Variants in PIP4P2 observed in about 807,000 individuals in gnomAD.
The protein encoded by PIP4P2 is type 2 phosphatidylinositol 4,5-bisphosphate 4-phosphatase.
Under a neutral mutation model 33.3 loss-of-function variants are expected in PIP4P2, and 19 were observed. The ratio of observed to expected loss-of-function variants is 0.57; its 90% CI spans 0.40 to 0.84. The LOEUF is 0.84. Among genes scored for constraint, PIP4P2 ranks in the 40% least tolerant of loss-of-function variants. The probability of loss-of-function intolerance (pLI) is 0.00; values close to 1 mark genes in which losing one functional copy is unlikely to be tolerated. For missense variants in PIP4P2, 270 were observed against 324.7 expected (o/e 0.83, Z 1.29); for synonymous variants, 110 against 111.9 (o/e 0.98, Z 0.11).
intron 1 of PIP4P2, among the ~76,000 whole-genome samples, chr8:91,036,553 C>G (rs1251664895): frequency 6.6e-6 from 1 of 152,146 alleles, no homozygotes; most frequent in Non-Finnish European, 1.5e-5. Context: ...CTTCATCTCT[C>G]CATCTCTACC....
At chr8:91,014,109 A>G (rs1811878634) in intron 4 of PIP4P2, among the ~76,000 whole-genome samples, 1 of 152,176 alleles carries the variant, frequency 6.6e-6, no homozygotes, top group Admixed American at 6.5e-5. Context: ...TATGACTTCA[A>G]ATTTTTGGAC....
intron 5 of PIP4P2, among the ~76,000 whole-genome samples, chr8:91,006,087 CT>C (rs753932345): frequency 3.3e-5 from 5 of 152,150 alleles, no homozygotes; most frequent in Non-Finnish European, 5.9e-5. Flanking sequence ...ACTTCTGTAA[CT>C]TAAAACTAAT....
intron 4 of PIP4P2, among the ~76,000 whole-genome samples, chr8:91,010,119 G>C (rs554085723): frequency 6.6e-5 from 10 of 151,904 alleles, no homozygotes; most frequent in African/African-American, 2.4e-4. Context: ...AAATTCTTGA[G>C]TTAATGTGCT....
Position 90,994,347 on chromosome 8 carries a change from A to G in PIP4P2, c.*1330T>C, listed in dbSNP as rs1012113564. The G allele has an allele frequency of 1.3e-5, 2 of 152,062 alleles. No individual in the cohort carries two copies. The highest frequency in any genetic ancestry group is 4.8e-5 in the African/African-American group (2 of 41,446). 9.4% of individuals were successfully genotyped at this position (152,062 alleles called of 1,614,324 possible). A position where few individuals can be genotyped will look rare whatever the true frequency, so the allele number is the denominator to read the frequency against. The stretch of plus-strand genomic sequence containing the variant: ...GAGCTACAGCATTTATACATTTGTC[A>G]TTTACTCTTTGAAGTGTACATGTAT... On this transcript the variant is annotated 3_prime_UTR_variant, in exon 7 of 7. Coordinates refer to ENST00000285419, the MANE Select transcript of PIP4P2 (RefSeq NM_018710.3).
chr8:91,015,637 ATAC>A (rs1403196679), intron 4 of PIP4P2, among the ~76,000 whole-genome samples: 1 of 152,222 alleles, frequency 6.6e-6, no homozygotes, highest in Admixed American at 6.5e-5. Context: ...GGCCATTTTT[ATAC>A]TTTCTGCAGA....
intron 4 of PIP4P2, among the ~76,000 whole-genome samples, chr8:91,013,532 T>C (rs1383604555): frequency 6.6e-6 from 1 of 152,172 alleles, no homozygotes; most frequent in Non-Finnish European, 1.5e-5. Context: ...AATCAGTATA[T>C]ACTGATTTTT....
chr8:91,016,585 A>G lies in PIP4P2; in HGVS notation c.486+1805T>C, dbSNP rs185373597. The G allele has an allele frequency of 5.7e-4, 87 of 152,344 alleles. 1 individual carries two copies. Among genetic ancestry groups the G allele is most frequent in the Admixed American group, 5.7e-3 (87 of 15,296 alleles). The allele number at this position is 152,344 out of a possible 1,614,324, so 9.4% of individuals were successfully genotyped here. A position where few individuals can be genotyped will look rare whatever the true frequency, so the allele number is the denominator to read the frequency against. On this transcript the variant is annotated intron_variant, in intron 4 of 6. Transcript: ENST00000285419. ...TCTAGACAAATTATAAAGTGAATGTAAGATCAGATTAAAAACCACTTAAGA... is the reference window on the plus strand; with the variant it reads ...TCTAGACAAATTATAAAGTGAATGTGAGATCAGATTAAAAACCACTTAAGA...
intron 5 of PIP4P2, among the ~76,000 whole-genome samples, chr8:91,004,601 G>A (rs150712130): frequency 1.3e-5 from 2 of 152,268 alleles, no homozygotes; most frequent in East Asian, 3.9e-4. Context: ...TTTCATTAGA[G>A]CAAATTCAGT....
intron 1 of PIP4P2, among the ~76,000 whole-genome samples, chr8:91,032,847 C>T (rs1812188425): frequency 6.6e-6 from 1 of 151,604 alleles, no homozygotes; most frequent in Non-Finnish European, 1.5e-5. Context: ...TCAGGGTTAC[C>T]TGCTTTTCCC....
intron 3 of PIP4P2, chr8:91,018,798 C>CA: frequency 3.2e-6 from 1 of 313,778 alleles, no homozygotes; most frequent in South Asian, 4.6e-5. Context: ...AATCAGAAAA[C>CA]AGTTGTTACC....
rs1227453177 is a variant in PIP4P2, at chr8:90,994,486, GTC to G, written c.*1189_*1190del. On this transcript the variant is annotated 3_prime_UTR_variant, in exon 7 of 7. Transcript: ENST00000285419. ...ATCAATTTACTCAGATGATCTCACT[GTC>G]TAATTCTACTACATTTAAAGACTGT... The G allele has an allele frequency of 6.6e-6, 1 of 152,476 alleles. No homozygotes were observed. The highest frequency in any genetic ancestry group is 1.9e-4 in the East Asian group (1 of 5,204). The allele number at this position is 152,476 out of a possible 1,614,324, so 9.4% of individuals were successfully genotyped here.
intron 1 of PIP4P2, among the ~76,000 whole-genome samples, chr8:91,039,212 A>G (rs1435541252): frequency 6.6e-6 from 1 of 152,224 alleles, no homozygotes; most frequent in Admixed American, 6.5e-5. Flanking sequence ...ACATAATACG[A>G]TTTAGATAAC....
At chr8:91,001,297 C>T (rs530566995) in intron 5 of PIP4P2, among the ~76,000 whole-genome samples, 6 of 151,934 alleles carry the variant, frequency 3.9e-5, no homozygotes, top group South Asian at 2.1e-4. Flanking sequence ...AATTTTATCA[C>T]GTTTAGGTTC....
chr8:91,018,991 T>G (rs1199658632), intron 3 of PIP4P2, among the ~76,000 whole-genome samples: 1 of 152,120 alleles, frequency 6.6e-6, no homozygotes, highest in Non-Finnish European at 1.5e-5. Context: ...AACAGGATCC[T>G]GCTTTCATTT....
chr8:91,018,121 T>G (rs186372415), intron 4 of PIP4P2, among the ~76,000 whole-genome samples: 2 of 152,158 alleles, frequency 1.3e-5, no homozygotes, highest in African/African-American at 4.8e-5. Flanking sequence ...AAGATACTCA[T>G]GGAACTAAGC....
chr8:91,038,229 C>G (rs529363250), intron 1 of PIP4P2, among the ~76,000 whole-genome samples: 2 of 152,264 alleles, frequency 1.3e-5, no homozygotes, highest in East Asian at 3.9e-4. Context: ...TGGACTATTT[C>G]ATCTTGGAGG....
At chr8:91,000,608 T>G (rs1811688068) in intron 5 of PIP4P2, among the ~76,000 whole-genome samples, 1 of 152,002 alleles carries the variant, frequency 6.6e-6, no homozygotes, top group Non-Finnish European at 1.5e-5. Context: ...ATTTTTGCTG[T>G]TGAGACATTT....
At chr8:91,032,459 A>C (rs1812175882) in intron 1 of PIP4P2, among the ~76,000 whole-genome samples, 1 of 152,088 alleles carries the variant, frequency 6.6e-6, no homozygotes, top group South Asian at 2.1e-4. Context: ...TGCCATTCCC[A>C]ATTTATTGAA....
At position 90,996,636 on chromosome 8, in the gene PIP4P2, T is replaced by C; in HGVS notation, c.630+18A>G. On this transcript the variant is annotated intron_variant, in intron 6 of 6. Transcript: ENST00000285419. ...AAGTTGAGAGGACAGAATTCTAACA[T>C]CAAAGTGTAACACTCACAGTTAACC... is the stretch of plus-strand genomic sequence containing the variant. The C allele has an allele frequency of 1.3e-6, 2 of 1,591,834 alleles. No homozygotes were observed. The highest frequency in any genetic ancestry group is 1.3e-5 in the African/African-American group (1 of 74,144).
Sources: allele counts gnomAD v4.1 joint callset (sites outside exome capture counted in the v4.1 genomes callset), GRCh38; gene constraint gnomAD v4.1.1; transcripts MANE v1.5; gene names NCBI Gene and HGNC (gene_info 2026-07-23, HGNC 2026-07-21).